The following TTN variants were observed in gnomAD, a reference collection of about 807,000 sequenced individuals.
TTN encodes titin, also known as connectin.
In TTN, 1,525 loss-of-function variants were observed where a neutral mutation model predicts 3,223.0. The ratio of observed to expected loss-of-function variants is 0.47; its 90% confidence interval spans 0.45 to 0.49. The LOEUF (loss-of-function observed/expected upper bound fraction) is 0.49, where lower values mean the gene tolerates loss of function less well. Among genes scored for constraint, TTN ranks in the 20% least tolerant of loss-of-function variants. The pLI, the probability that TTN is intolerant of heterozygous loss-of-function variation, is 0.00. For missense variants in TTN, 40,786 were observed against 43,424.0 expected, an observed-to-expected ratio of 0.94 and a Z score of 5.40; for synonymous variants, 14,094 against 15,161.0, an observed-to-expected ratio of 0.93 and a Z score of 5.17.
Position 178,589,987 on chromosome 2 carries a change from T to G in TTN, c.61738A>C (p.Asn20580His), listed in dbSNP as rs2049862820. Reference sequence around the variant, plus strand: ...ATTGTACAGTTCTCTTTGGTTACATTGGTAACCTTCAAATTCTGGCAAGGC... The same window carrying G: ...ATTGTACAGTTCTCTTTGGTTACATGGGTAACCTTCAAATTCTGGCAAGGC... ...PGPCQNLKVT[N>H]VTKENCTISW... Residue 20580 changes from asparagine to histidine, a missense_variant, in exon 304 of 363, where the codon AAT (asparagine) becomes CAT (histidine). Asn to His is a moderately conservative substitution (Grantham distance 68). Transcript: ENST00000589042. 1 of 1,613,096 alleles carries G rather than the reference T, an allele frequency of 6.2e-7. No individual in the cohort carries two copies. Among genetic ancestry groups the G allele is most frequent in the African/African-American group, 1.3e-5 (1 of 74,898 alleles).
intron 331 of TTN, 43 bp from the exon 332 acceptor site, chr2:178,554,795 A>C (rs1700720263): frequency 6.2e-7 from 1 of 1,611,942 alleles, no homozygotes; most frequent in Non-Finnish European, 8.5e-7. Context: ...ACTTCTTTAA[A>C]GCCTACTTGT....
chr2:178,598,318 G>C (rs1427294792), intron 292 of TTN, among the ~76,000 whole-genome samples, 188 bp downstream of exon 292: 2 of 152,050 alleles, frequency 1.3e-5, no homozygotes, highest in Non-Finnish European at 2.9e-5. Flanking sequence ...CAAAAGATTA[G>C]TAATAACATG....
chr2:178,592,304 T>C (rs1169170581), intron 301 of TTN, 27 bp from the exon 302 acceptor site: 2 of 1,602,140 alleles, frequency 1.2e-6, no homozygotes, highest in Non-Finnish European at 1.7e-6. Flanking sequence ...AACAGTTTGA[T>C]AAGTAATTTT....
At position 178,698,884 on chromosome 2, in the gene TTN, T is replaced by C. The variant is rs780073797; in HGVS notation, c.30713A>G (p.Lys10238Arg). The change falls in exon 112 of 363, where the codon AAA becomes AGA. Residue 10238 changes from lysine to arginine, a missense_variant. Coordinates refer to ENST00000589042, the MANE Select transcript of TTN (RefSeq NM_001267550.2). The stretch of plus-strand genomic sequence containing the variant: ...CTCTTTGGGCTTTGCAACAACTTTT[T>C]TGGCATCTTTCTTCACAGCCTTTTT... The part of the protein sequence containing the change: ...VTKKAVKKDA[K>R]KVVAKPKEMT... 3.8e-5 allele frequency: 58 copies of C among 1,539,446 alleles called. 1 individual carries two copies. The South Asian group carries it at 6.6e-4, about 17-fold the overall frequency.
In TTN at chr2:178,617,278, G is replaced by C. The variant is rs777793026; in HGVS notation, c.47761-44C>G. 3 of 1,542,304 alleles carry C rather than the reference G, an allele frequency of 1.9e-6. No homozygotes were observed. The African/African-American group carries it at 4.2e-5, about 21-fold the overall frequency. ...ATTTGTAAAAAACACATACAGTTAT[G>C]TCCATGATCCACATTGAATATTCTT... On this transcript the variant is annotated intron_variant, in intron 254 of 362. Coordinates refer to ENST00000589042, the MANE Select transcript of TTN (RefSeq NM_001267550.2).
At position 178,749,424 on chromosome 2, in the gene TTN, A is replaced by G. The variant is rs1485849931; in HGVS notation, c.11311+3700T>C. The G allele has an allele frequency of 1.9e-6, 3 of 1,613,006 alleles. No individual in the cohort carries two copies. In the African/African-American group the frequency reaches 4.0e-5, roughly 22 times the overall value. On this transcript the variant is annotated intron_variant, in intron 47 of 362. Coordinates refer to ENST00000589042, the MANE Select transcript of TTN (RefSeq NM_001267550.2). ...GGAATTTTTTCTCTAGAAGGTATGC[A>G]ACGCACCTGCTCTTTCTGGTCTATT... is the stretch of plus-strand genomic sequence containing the variant.
Position 178,526,962 on chromosome 2 carries a change from C to T in TTN, c.*50G>A, listed in dbSNP as rs753053997. Reference sequence around the variant, plus strand: ...TTCAGAAAGATTAGTCCGTGTGAAACGTTTGCGAAAAGTTAAGAATGAGTG... The same window carrying T: ...TTCAGAAAGATTAGTCCGTGTGAAATGTTTGCGAAAAGTTAAGAATGAGTG... On this transcript the variant is annotated 3_prime_UTR_variant, in exon 363 of 363. Coordinates refer to ENST00000589042, the MANE Select transcript of TTN (RefSeq NM_001267550.2). 12 of 1,463,002 alleles carry T rather than the reference C, an allele frequency of 8.2e-6. No individual in the cohort carries two copies. The highest frequency in any genetic ancestry group is 2.3e-5 in the East Asian group (1 of 42,728). 90.6% of individuals were successfully genotyped at this position (1,463,002 alleles called of 1,614,324 possible).
chr2:178,689,922 A>T, intron 121 of TTN, 26 bp from the exon 122 acceptor site: 1 of 1,580,360 alleles, frequency 6.3e-7, no homozygotes, highest in Non-Finnish European at 8.7e-7. Flanking sequence ...ACACAATGTT[A>T]GTTCAGACAT....
intron 311 of TTN, 146 bp from the exon 312 acceptor site, chr2:178,584,052 C>T (rs928129536): frequency 1.9e-6 from 2 of 1,069,070 alleles, no homozygotes; most frequent in Non-Finnish European, 2.6e-6. Flanking sequence ...CTAGTATGCA[C>T]TTTTGAGTCC....
Position 178,641,394 on chromosome 2 carries a change from T to C in TTN, c.40559-79A>G, listed in dbSNP as rs1330317483. ...GAATAAGCTTGACAAATGCAAATAA[T>C]GTACAAAGCAAGGAAAATGAAAAAA... On this transcript the variant is annotated intron_variant, in intron 219 of 362. Coordinates refer to ENST00000589042, the MANE Select transcript of TTN (RefSeq NM_001267550.2). The C allele has an allele frequency of 8.3e-6, 7 of 842,532 alleles. No individual in the cohort carries two copies. In the South Asian group the frequency reaches 1.2e-4, roughly 15 times the overall value. The allele number at this position is 842,532 out of a possible 1,614,324, so 52.2% of individuals were successfully genotyped here. A position where few individuals can be genotyped will look rare whatever the true frequency, so the allele number is the denominator to read the frequency against.
At chr2:178,757,229 A>ACTGTACTT (rs1398848581) in intron 45 of TTN, among the ~76,000 whole-genome samples, 112 of 149,546 alleles carry the variant, frequency 7.5e-4, no homozygotes, top group East Asian at 2.2e-3. Flanking sequence ...AGTAAGTAAT[A>ACTGTACTT]ATCAGCAAAT....
intron 215 of TTN, 146 bp downstream of exon 215, chr2:178,646,918 A>G (rs190608143): frequency 1.9e-4 from 68 of 354,320 alleles, no homozygotes; most frequent in African/African-American, 1.4e-3. Flanking sequence ...AAGAAGTGTA[A>G]CTATTTCAAA....
At position 178,612,320 on chromosome 2, in the gene TTN, G is replaced by T; in HGVS notation, c.50205C>A (p.Asp16735Glu). 1 of 1,612,592 alleles carries T rather than the reference G, an allele frequency of 6.2e-7. No homozygotes were observed. The highest frequency in any genetic ancestry group is 8.5e-7 in the Non-Finnish European group (1 of 1,179,190). The stretch of plus-strand genomic sequence containing the variant: ...GCACAGAGTCCTCAATTTCGGTGTA[G>T]TCGCTTTGTCCTATAGCATTTTCTG... ...VAAENAIGQSDYTEIEDSVLA... is the reference protein window; with the variant it reads ...VAAENAIGQSEYTEIEDSVLA... Residue 16735 changes from aspartate to glutamate, a missense_variant, in exon 266 of 363, where the codon GAC (aspartate) becomes GAA (glutamate). Coordinates refer to ENST00000589042, the MANE Select transcript of TTN (RefSeq NM_001267550.2).
rs1308089699 is a variant in TTN, at chr2:178,747,095, GTC to G, written c.11312-5176_11312-5175del. ...TGGGGGTGTGGAATATCGCTCTAGA[GTC>G]TCTCCTGGGGGTGTGGAGTATCTCT... On this transcript the variant is annotated intron_variant, in intron 47 of 362. Coordinates refer to ENST00000589042, the MANE Select transcript of TTN (RefSeq NM_001267550.2). 2.5e-6 allele frequency: 4 copies of G among 1,609,040 alleles called. No individual in the cohort carries two copies. The African/African-American group carries it at 5.4e-5, about 22-fold the overall frequency.
chr2:178,619,943 T>A (rs754841560), intron 249 of TTN, 45 bp downstream of exon 249: 24 of 1,594,562 alleles, frequency 1.5e-5, no homozygotes, highest in East Asian at 6.8e-5. Context: ...TTAACAATTT[T>A]AAAAAATTGG....
In TTN at chr2:178,601,376, G is replaced by C. The variant is rs749140088; in HGVS notation, c.55621C>G (p.Pro18541Ala). Residue 18541 changes from proline (P) to alanine (A), a missense_variant, in exon 287 of 363, where the codon CCT (proline) becomes GCT (alanine). Coordinates refer to ENST00000589042, the MANE Select transcript of TTN (RefSeq NM_001267550.2). ...TATTGCTGTTCAGAGAGGAGATCAG[G>C]CACTACAAATGTGGTGCTTCCACAG... ...PDCGSTTFVV[P>A]DLLSEQQYFF... 6.2e-7 allele frequency: 1 copy of C among 1,612,690 alleles called. No individual in the cohort carries two copies. Among genetic ancestry groups the C allele is most frequent in the Non-Finnish European group, 8.5e-7 (1 of 1,179,276 alleles).
At position 178,734,796 on chromosome 2, in the gene TTN, T is replaced by C. The variant is rs1578215701; in HGVS notation, c.15128A>G (p.Asp5043Gly). 1 of 1,613,870 alleles carries C rather than the reference T, an allele frequency of 6.2e-7. No individual in the cohort carries two copies. The highest frequency in any genetic ancestry group is 1.1e-5 in the South Asian group (1 of 91,080). ...VNSEAILDIT[D>G]VKVEDSGSYS... The stretch of plus-strand genomic sequence containing the variant: ...ACTCCCACTGTCTTCAACTTTTACA[T>C]CCGTAATATCAAGTATAGCCTCAGA... The change falls in exon 51 of 363, where the codon GAT becomes GGT. Residue 5043 changes from aspartate to glycine, a missense_variant. Transcript: ENST00000589042.
Position 178,680,997 on chromosome 2 carries a change from A to G in TTN, c.33340+82T>C. ...CAACTAATTTAAAAGACATGAAACAACAAAATGAAATGAATCATAGTTACA... is the reference window on the plus strand; with the variant it reads ...CAACTAATTTAAAAGACATGAAACAGCAAAATGAAATGAATCATAGTTACA... On this transcript the variant is annotated intron_variant, in intron 138 of 362. Coordinates refer to ENST00000589042, the MANE Select transcript of TTN (RefSeq NM_001267550.2). 22 of 1,217,636 alleles carry G rather than the reference A, an allele frequency of 1.8e-5. No individual in the cohort carries two copies. In the South Asian group the frequency reaches 3.1e-4, roughly 17 times the overall value. The allele number at this position is 1,217,636 out of a possible 1,614,324, so 75.4% of individuals were successfully genotyped here.
chr2:178,794,427 G>A lies in TTN; in HGVS notation c.1370C>T (p.Ala457Val), dbSNP rs780402263. ...EQTAQRTTTTAVHIQPAQEQV... is the reference protein window; with the variant it reads ...EQTAQRTTTTVVHIQPAQEQV... ...TTCTTGAGCAGGTTGGATGTGCACA[G>A]CAGTCGTGGTTGTCCTCTGAGCAGT... Residue 457 changes from alanine (A) to valine (V), a missense_variant, in exon 8 of 363, where the codon GCT becomes GTT. Coordinates refer to ENST00000589042, the MANE Select transcript of TTN (RefSeq NM_001267550.2). 10 of 1,614,060 alleles carry A rather than the reference G, an allele frequency of 6.2e-6. No individual in the cohort carries two copies. The African/African-American group carries it at 6.7e-5, about 11-fold the overall frequency.
Sources: allele counts gnomAD v4.1 joint callset (sites outside exome capture counted in the v4.1 genomes callset), GRCh38; gene constraint gnomAD v4.1.1; transcripts MANE v1.5; gene names NCBI Gene and HGNC (gene_info 2026-07-23, HGNC 2026-07-21).